Variants in CTNNA1 observed in about 807,000 individuals in gnomAD.
CTNNA1 encodes the protein catenin alpha-1.
A neutral mutation model predicts 98.4 loss-of-function variants in CTNNA1; 37 were observed. That is an observed-to-expected ratio of 0.38 (90% CI 0.29 to 0.49). The LOEUF (loss-of-function observed/expected upper bound fraction) is 0.49, where lower values mean the gene tolerates loss of function less well. Ranked by LOEUF, CTNNA1 falls within the 20% of genes least tolerant of loss-of-function variation. The pLI is 0.95. For synonymous variants in CTNNA1, 404 were observed against 413.2 expected (o/e 0.98, Z 0.27); for missense variants, 761 against 1,147.2 (o/e 0.66, Z 4.86).
intron 7 of CTNNA1, among the ~76,000 whole-genome samples, chr5:138,861,027 C>G (rs1476753281): frequency 6.6e-6 from 1 of 151,388 alleles, no homozygotes; most frequent in African/African-American, 2.4e-5. Context: ...TGAACACAAT[C>G]TTTTTTTTTG....
intron 7 of CTNNA1, among the ~76,000 whole-genome samples, chr5:138,835,841 G>A (rs1761724094): frequency 6.6e-6 from 1 of 152,072 alleles, no homozygotes; most frequent in Non-Finnish European, 1.5e-5. Flanking sequence ...TCATGCTGTA[G>A]ATTAGAGCTC....
chr5:138,915,614 C>T (rs1423806081), intron 10 of CTNNA1, among the ~76,000 whole-genome samples: 1 of 152,188 alleles, frequency 6.6e-6, no homozygotes, highest in Non-Finnish European at 1.5e-5. Flanking sequence ...TATGAGCGTT[C>T]ATAGCAACAT....
chr5:138,873,080 G>A lies in CTNNA1; in HGVS notation c.1063-13132G>A. 6.2e-7 allele frequency: 1 copy of A among 1,613,776 alleles called. No homozygotes were observed. The highest frequency in any genetic ancestry group is 8.5e-7 in the Non-Finnish European group (1 of 1,179,828). ...TCCATAACCATTAATGATGATGAAG[G>A]GTCCTTCATGGGTGGGTTCATATTC... On this transcript the variant is annotated intron_variant, in intron 7 of 17. Transcript: ENST00000302763. This position sits in a 1 kb window ranked among gnomAD's most constrained non-coding sequence, Gnocchi z 6.1.
chr5:138,857,091 C>T (rs1359380776), intron 7 of CTNNA1, among the ~76,000 whole-genome samples: 4 of 152,150 alleles, frequency 2.6e-5, no homozygotes, highest in African/African-American at 9.7e-5. Flanking sequence ...TACCCTTTGC[C>T]TGCCCTTTAA....
At position 138,866,313 on chromosome 5, in the gene CTNNA1, T is replaced by TA. The variant is rs1186570716; in HGVS notation, c.1063-19898dup. On this transcript the variant is annotated intron_variant, in intron 7 of 17. Coordinates refer to ENST00000302763, the MANE Select transcript of CTNNA1 (RefSeq NM_001903.5). ...TTATTTATTTATTTATTTATTTATT[T>TA]ATTTATTTATTTATTTTGGTACAAA... Among the ~76,000 whole-genome samples the TA allele has an allele frequency of 6.0e-5, 9 of 150,900 alleles. No homozygotes were observed. In the East Asian group the frequency reaches 1.4e-3, roughly 23 times the overall value.
At chr5:138,849,345 C>T (rs1045218461) in intron 7 of CTNNA1, among the ~76,000 whole-genome samples, 1 of 152,082 alleles carries the variant, frequency 6.6e-6, no homozygotes, top group African/African-American at 2.4e-5. Context: ...CCCACTATCT[C>T]ATTGTTTAAG....
chr5:138,826,993 G>A (rs1760788825), intron 6 of CTNNA1, among the ~76,000 whole-genome samples: 2 of 152,122 alleles, frequency 1.3e-5, no homozygotes, highest in Non-Finnish European at 2.9e-5. Flanking sequence ...TCGTTGCCTA[G>A]GCTGGTGTTC....
intron 7 of CTNNA1, among the ~76,000 whole-genome samples, chr5:138,829,346 G>A (rs1031529952): frequency 2.0e-5 from 3 of 152,224 alleles, no homozygotes; most frequent in Non-Finnish European, 4.4e-5. Context: ...AAAACTCATG[G>A]TAAGTGGATC....
chr5:138,909,963 C>T (rs1760184090), intron 10 of CTNNA1, among the ~76,000 whole-genome samples: 1 of 152,172 alleles, frequency 6.6e-6, no homozygotes, highest in Admixed American at 6.5e-5. Flanking sequence ...GTCTTTGAAT[C>T]GCTTCACTTT....
intron 1 of CTNNA1, among the ~76,000 whole-genome samples, chr5:138,775,113 T>C (rs997822053): frequency 1.3e-5 from 2 of 152,240 alleles, no homozygotes; most frequent in African/African-American, 4.8e-5. Context: ...TGCTTGCAGC[T>C]AGCTTCACTT....
At chr5:138,923,137 G>A (rs1763269521) in intron 11 of CTNNA1, among the ~76,000 whole-genome samples, 1 of 152,110 alleles carries the variant, frequency 6.6e-6, no homozygotes, top group African/African-American at 2.4e-5. Context: ...CCTTTCCTTA[G>A]CAATGCAAGT....
chr5:138,910,226 CTTTTTTTTTTTTTTTT>C (rs70982740), intron 10 of CTNNA1, among the ~76,000 whole-genome samples: 1 of 53,228 alleles, frequency 1.9e-5, no homozygotes, highest in Non-Finnish European at 3.3e-5. Flanking sequence ...TCCTACTTTT[CTTTTTTTTTTTTTTTT>C]TTTTTTTTTT....
At chr5:138,825,731 A>G (rs568814117) in intron 6 of CTNNA1, among the ~76,000 whole-genome samples, 3 of 151,950 alleles carry the variant, frequency 2.0e-5, no homozygotes, top group South Asian at 2.1e-4. Flanking sequence ...GTTGATATGC[A>G]TGGCCGATTT....
chr5:138,758,565 T>A (rs1311111437), intron 1 of CTNNA1, among the ~76,000 whole-genome samples: 2 of 151,952 alleles, frequency 1.3e-5, no homozygotes, highest in African/African-American at 4.8e-5. Flanking sequence ...TTAGTAGAGA[T>A]GGCATTTCAC....
intron 15 of CTNNA1, 68 bp from the exon 16 acceptor site, chr5:138,930,762 C>G: frequency 6.6e-7 from 1 of 1,524,670 alleles, no homozygotes; most frequent in Non-Finnish European, 9.1e-7. Context: ...TGTGGACAAT[C>G]TTCTTTTTCT....
intron 1 of CTNNA1, among the ~76,000 whole-genome samples, chr5:138,774,232 C>T (rs1220267772): frequency 6.6e-6 from 1 of 152,022 alleles, no homozygotes; most frequent in Non-Finnish European, 1.5e-5. Flanking sequence ...GCTATGTTGC[C>T]CAGGCTGGTC....
chr5:138,782,101 C>T, intron 2 of CTNNA1, 72 bp downstream of exon 2: 3 of 1,430,918 alleles, frequency 2.1e-6, no homozygotes, highest in Non-Finnish European at 1.9e-6. Context: ...ACCATAAGAG[C>T]AAGGTTATTT....
In CTNNA1 at chr5:138,906,517, C is replaced by T. The variant is rs187795019; in HGVS notation, c.1389+2076C>T. Among the ~76,000 whole-genome samples, 455 of 152,244 alleles carry T rather than the reference C, an allele frequency of 3.0e-3. No homozygotes were observed. The highest frequency in any genetic ancestry group is 4.9e-3 in the Non-Finnish European group (334 of 68,024). On this transcript the variant is annotated intron_variant, in intron 10 of 17. Transcript: ENST00000302763. ...TGGTAGCATACACTGATCACACCTA[C>T]CAAGAGTATTTATATAAATGATCTT...
At chr5:138,770,929 C>T (rs911885145) in intron 1 of CTNNA1, among the ~76,000 whole-genome samples, 19 of 146,908 alleles carry the variant, frequency 1.3e-4, no homozygotes, top group East Asian at 2.0e-4. Context: ...CCAGCTTGGG[C>T]GACAGAGCGA....
Sources: allele counts gnomAD v4.1 joint callset (sites outside exome capture counted in the v4.1 genomes callset), GRCh38; gene constraint gnomAD v4.1.1; non-coding constraint Gnocchi (gnomAD v3.1); transcripts MANE v1.5; gene names NCBI Gene and HGNC (gene_info 2026-07-23, HGNC 2026-07-21).